Variants in ELF1 observed in about 807,000 individuals in gnomAD.
ELF1 encodes E74 like ETS transcription factor 1.
ELF1 carries 24 observed loss-of-function variants against 59.9 expected under a neutral mutation model. The observed-to-expected ratio is 0.40, with a 90% CI of 0.29 to 0.56. The LOEUF is 0.56. Ranked by LOEUF, ELF1 falls within the 20% of genes least tolerant of loss-of-function variation. ELF1 has a pLI of 0.44. For missense variants in ELF1, 627 were observed against 742.2 expected, an observed-to-expected ratio of 0.84 and a Z score of 1.80; for synonymous variants, 248 against 266.2, an observed-to-expected ratio of 0.93 and a Z score of 0.67.
intron 1 of ELF1, among the ~76,000 whole-genome samples, chr13:41,039,338 A>T (rs1013322664): frequency 2.1e-5 from 3 of 141,482 alleles, no homozygotes; most frequent in Admixed American, 7.3e-5. Flanking sequence ...CCTTTTTTTA[A>T]AAAAAAAAAA....
chr13:40,945,336 G>C (rs1870438930), intron 5 of ELF1, among the ~76,000 whole-genome samples: 1 of 152,146 alleles, frequency 6.6e-6, no homozygotes, highest in Non-Finnish European at 1.5e-5. Flanking sequence ...GTGAATTACA[G>C]CTTGGTTAGA....
intron 1 of ELF1, among the ~76,000 whole-genome samples, chr13:41,013,128 C>A (rs1246147461): frequency 2.6e-5 from 4 of 152,174 alleles, no homozygotes; most frequent in South Asian, 2.1e-4. Context: ...GGATTTTACA[C>A]CCCAGGGCAA....
chr13:41,027,759 TCA>T (rs559877070), intron 1 of ELF1, among the ~76,000 whole-genome samples: 13 of 152,190 alleles, frequency 8.5e-5, no homozygotes, highest in Non-Finnish European at 1.8e-4. Flanking sequence ...GGAACTTATC[TCA>T]GTCACAAAAG....
intron 3 of ELF1, among the ~76,000 whole-genome samples, chr13:40,953,208 T>C (rs1191413555): frequency 6.6e-6 from 1 of 152,118 alleles, no homozygotes; most frequent in African/African-American, 2.4e-5. Flanking sequence ...ACTCCCGACC[T>C]CAGGTGATCT....
rs1017459407 is a variant in ELF1, at chr13:40,993,412, C to T, written c.-228-11130G>A. 3.0e-5 allele frequency: 22 copies of T among 730,850 alleles called. 1 individual carries two copies. Among genetic ancestry groups the T allele is most frequent in the Middle Eastern group, 4.0e-4 (1 of 2,524 alleles). 45.3% of individuals were successfully genotyped at this position (730,850 alleles called of 1,614,324 possible). ...TGGGTCTGGGGGGAGCGGGGCTGGG[C>T]GGCTCTGTCCTCTAGCGGAGCCCGT... is the stretch of plus-strand genomic sequence containing the variant. On this transcript the variant is annotated intron_variant, in intron 1 of 8. Transcript: ENST00000239882.
At chr13:40,981,527 A>G (rs1873269737) in intron 2 of ELF1, among the ~76,000 whole-genome samples, 2 of 152,126 alleles carry the variant, frequency 1.3e-5, no homozygotes, top group African/African-American at 4.8e-5. Flanking sequence ...GATCTAGAGA[A>G]GTTAAGTAAC....
intron 1 of ELF1, among the ~76,000 whole-genome samples, chr13:41,036,163 G>A (rs890166528): frequency 8.6e-5 from 13 of 151,738 alleles, no homozygotes; most frequent in African/African-American, 3.1e-4. Flanking sequence ...TGATCCACCC[G>A]TCTCGGCCTC....
intron 1 of ELF1, among the ~76,000 whole-genome samples, chr13:41,006,224 C>G (rs998500168): frequency 4.1e-5 from 6 of 144,778 alleles, no homozygotes; most frequent in African/African-American, 1.5e-4. Context: ...TTATAGGAGT[C>G]TAAGAATTAT....
chr13:40,937,394 T>C (rs1869852392), intron 8 of ELF1, among the ~76,000 whole-genome samples: 1 of 152,242 alleles, frequency 6.6e-6, no homozygotes, highest in Admixed American at 6.5e-5. Context: ...TTATCATCTG[T>C]GCTTTACAGA....
chr13:41,018,717 G>GA (rs1311620755), intron 1 of ELF1, among the ~76,000 whole-genome samples: 5 of 151,948 alleles, frequency 3.3e-5, no homozygotes, highest in African/African-American at 9.7e-5. Flanking sequence ...CAGAGAGGGA[G>GA]AAAAAAATAA....
intron 1 of ELF1, among the ~76,000 whole-genome samples, chr13:40,989,381 C>T (rs556212615): frequency 6.6e-6 from 1 of 152,090 alleles, no homozygotes; most frequent in Non-Finnish European, 1.5e-5. Context: ...TGTTTCTATA[C>T]CCCAACTGTT....
chr13:40,944,419 C>T (rs1373286164), intron 5 of ELF1, among the ~76,000 whole-genome samples: 4 of 152,060 alleles, frequency 2.6e-5, no homozygotes, highest in African/African-American at 9.7e-5. Flanking sequence ...AAGAAACTTC[C>T]CAAACTCTAG....
intron 2 of ELF1, among the ~76,000 whole-genome samples, chr13:40,960,910 G>A (rs1006817789): frequency 1.3e-5 from 2 of 152,038 alleles, no homozygotes; most frequent in Non-Finnish European, 2.9e-5. Flanking sequence ...TTGCTTTGCC[G>A]CCCAAGCTAG....
intron 2 of ELF1, among the ~76,000 whole-genome samples, chr13:40,967,244 C>T (rs9566638): frequency 0.99 from 150,313 of 152,334 alleles, 74,185 homozygotes; most frequent in East Asian, 1. Context: ...CTGACAGTAC[C>T]TTACCATGCA....
At chr13:41,020,790 G>GA (rs1477026891), upstream of ELF1, among the ~76,000 whole-genome samples, 41 of 152,024 alleles carry the variant, frequency 2.7e-4, no homozygotes, top group African/African-American at 9.4e-4. Flanking sequence ...TTGTTCCCTG[G>GA]AAAGTTCCCC....
chr13:41,016,052 C>T (rs1383247973), intron 1 of ELF1, among the ~76,000 whole-genome samples: 3 of 152,182 alleles, frequency 2.0e-5, no homozygotes, highest in African/African-American at 7.2e-5. Context: ...GATAAACTCT[C>T]CTGAGTATTC....
intron 1 of ELF1, among the ~76,000 whole-genome samples, chr13:41,057,325 T>A (rs1425915358): frequency 6.6e-6 from 1 of 151,344 alleles, no homozygotes; most frequent in Non-Finnish European, 1.5e-5. Context: ...CCTGGCTAAT[T>A]TTTTTTTAAT....
upstream of ELF1, among the ~76,000 whole-genome samples, chr13:41,019,878 A>G (rs934503134): frequency 6.6e-6 from 1 of 152,228 alleles, no homozygotes; most frequent in Non-Finnish European, 1.5e-5. Flanking sequence ...CAGTGGAAAA[A>G]TAAGTGTGAA....
rs568713634 is a variant in ELF1, at chr13:40,972,511, A to G, written c.72+9472T>C. ...TATAACTGGTATGCAAGTCACAAAA[A>G]TCACTTTCATCACCTCACTTACCCA... On this transcript the variant is annotated intron_variant, in intron 2 of 8. Transcript: ENST00000239882. Among the ~76,000 whole-genome samples the G allele has an allele frequency of 1.5e-3, 227 of 152,324 alleles. 1 individual carries two copies. Among genetic ancestry groups the G allele is most frequent in the Non-Finnish European group, 2.9e-3 (195 of 68,018 alleles).
Sources: allele counts gnomAD v4.1 joint callset (sites outside exome capture counted in the v4.1 genomes callset), GRCh38; gene constraint gnomAD v4.1.1; transcripts MANE v1.5; gene names NCBI Gene and HGNC (gene_info 2026-07-23, HGNC 2026-07-21).